The following KCNMA1 variants were observed in gnomAD, a reference collection of about 807,000 sequenced individuals.
KCNMA1 encodes potassium calcium-activated channel subfamily M alpha 1, also known as Calcium-activated potassium channel subunit alpha-1.
KCNMA1 carries 29 observed loss-of-function variants against 140.0 expected under a neutral mutation model. The ratio of observed to expected loss-of-function variants is 0.21; its 90% confidence interval spans 0.15 to 0.28. The LOEUF (loss-of-function observed/expected upper bound fraction) is 0.28. KCNMA1 is among the 10% of genes least tolerant of loss of function. The pLI, the probability that KCNMA1 is intolerant of heterozygous loss-of-function variation, is 1.00. For missense variants in KCNMA1, 880 were observed against 1,602.2 expected (o/e 0.55, Z 7.70); for synonymous variants, 612 against 611.9 (o/e 1.00, Z 0.00).
chr10:77,446,408 T>C (rs2097530615), intron 1 of KCNMA1, among the ~76,000 whole-genome samples: 1 of 152,152 alleles, frequency 6.6e-6, no homozygotes, highest in African/African-American at 2.4e-5. Context: ...TAGAGTGGCC[T>C]CTCCAAGCTT....
At chr10:77,257,921 C>T (rs2061149715) in intron 2 of KCNMA1, among the ~76,000 whole-genome samples, 1 of 152,148 alleles carries the variant, frequency 6.6e-6, no homozygotes, top group South Asian at 2.1e-4. Flanking sequence ...ATAAATTACA[C>T]AGTATTGGGT....
intron 1 of KCNMA1, among the ~76,000 whole-genome samples, chr10:77,585,039 TC>T (rs2076888902): frequency 6.6e-6 from 1 of 152,184 alleles, no homozygotes; most frequent in African/African-American, 2.4e-5. Flanking sequence ...CTCCAAGCTG[TC>T]CCTCAAAACC....
chr10:77,102,764 A>G (rs1426306401), intron 9 of KCNMA1, among the ~76,000 whole-genome samples: 1 of 152,172 alleles, frequency 6.6e-6, no homozygotes, highest in East Asian at 1.9e-4. Context: ...TATCCAGTGT[A>G]ACTAATCCCT....
chr10:77,342,225 T>C (rs1170484704), intron 2 of KCNMA1, among the ~76,000 whole-genome samples: 1 of 152,126 alleles, frequency 6.6e-6, no homozygotes, highest in Non-Finnish European at 1.5e-5. Context: ...ACAGCAATAA[T>C]AACAGCAACA....
In KCNMA1 at chr10:77,530,191, G is replaced by A. The variant is rs1475875844; in HGVS notation, c.378+107074C>T. On this transcript the variant is annotated intron_variant, in intron 1 of 27. Transcript: ENST00000286628. The stretch of plus-strand genomic sequence containing the variant: ...CCTTGTGGTGCTGGACTAACCCACC[G>A]AATGCAGCTGGGTCCTGTTCCAAAA... 4.6e-5 allele frequency among the ~76,000 whole-genome samples: 7 copies of A among 152,268 alleles called. No homozygotes were observed. The East Asian group carries it at 9.6e-4, about 21-fold the overall frequency.
intron 2 of KCNMA1, among the ~76,000 whole-genome samples, chr10:77,364,226 G>A (rs764885995): frequency 3.9e-5 from 6 of 152,038 alleles, no homozygotes; most frequent in Non-Finnish European, 7.4e-5. Flanking sequence ...CAAGGTGGGC[G>A]GACTACCTGA....
At chr10:77,548,960 A>G (rs931109497) in intron 1 of KCNMA1, among the ~76,000 whole-genome samples, 2 of 152,218 alleles carry the variant, frequency 1.3e-5, no homozygotes, top group Admixed American at 6.5e-5. Flanking sequence ...ATAGATGAAT[A>G]CTTTGAAAAA....
At chr10:77,142,167 A>T (rs1476457265) in intron 5 of KCNMA1, among the ~76,000 whole-genome samples, 1 of 152,120 alleles carries the variant, frequency 6.6e-6, no homozygotes, top group Non-Finnish European at 1.5e-5. Context: ...GGAGATCGAG[A>T]CCATTCTGGC....
At chr10:77,285,052 G>T (rs1034854758) in intron 2 of KCNMA1, among the ~76,000 whole-genome samples, 2 of 152,148 alleles carry the variant, frequency 1.3e-5, no homozygotes, top group East Asian at 3.9e-4. Flanking sequence ...AGCATTAACA[G>T]TTTGTAAAAT....
intron 25 of KCNMA1, among the ~76,000 whole-genome samples, chr10:76,901,072 T>A (rs2045121917): frequency 6.6e-6 from 1 of 151,916 alleles, no homozygotes; most frequent in Admixed American, 6.6e-5. Flanking sequence ...CAGACTGGAG[T>A]CTCATAAAGT....
chr10:77,426,677 T>G (rs1050115935), intron 1 of KCNMA1, among the ~76,000 whole-genome samples: 7 of 152,218 alleles, frequency 4.6e-5, no homozygotes, highest in African/African-American at 7.2e-5. Context: ...CCCTATAACA[T>G]CTCTGAAGCC....
chr10:77,636,181 G>A, intron 1 of KCNMA1: 1 of 1,420,590 alleles, frequency 7.0e-7, no homozygotes, highest in Non-Finnish European at 9.2e-7. Flanking sequence ...TCAGAAAGAA[G>A]GCAGCTGGCT....
chr10:77,299,586 TCCA>T lies in KCNMA1; in HGVS notation c.541-48333_541-48331del, dbSNP rs200509287. Among the ~76,000 whole-genome samples, 100 of 152,294 alleles carry T rather than the reference TCCA, an allele frequency of 6.6e-4. No homozygotes were observed. In the East Asian group the frequency reaches 0.016, roughly 25 times the overall value. On this transcript the variant is annotated intron_variant, in intron 2 of 27. Transcript: ENST00000286628. ...ACAAGTTTAAGTTGTTTTTGTACTT[TCCA>T]TTACCCAGGTTGTTCTGGAACGCAG...
rs148022380 is a variant in KCNMA1 at position 77,181,915 on chromosome 10, C to CAT, written c.808+1504_808+1505dup. Among the ~76,000 whole-genome samples, 795 of 150,304 alleles carry CAT rather than the reference C, an allele frequency of 5.3e-3. 4 individuals are homozygous for CAT. The highest frequency in any genetic ancestry group is 0.01 in the Middle Eastern group (3 of 292). On this transcript the variant is annotated intron_variant, in intron 5 of 27. Coordinates refer to ENST00000286628, the MANE Select transcript of KCNMA1 (RefSeq NM_001161352.2). ...AATCTTTTTAGGATATGGACACATA[C>CAT]ATATATATATATATGCATGCACACG...
At chr10:77,633,143 C>G (rs192895311) in intron 1 of KCNMA1, among the ~76,000 whole-genome samples, 2 of 152,252 alleles carry the variant, frequency 1.3e-5, no homozygotes, top group East Asian at 1.9e-4. Context: ...GGTGAAACCC[C>G]GTCTCTACTT....
intron 1 of KCNMA1, among the ~76,000 whole-genome samples, chr10:77,614,041 T>C (rs900369371): frequency 6.6e-6 from 1 of 152,134 alleles, no homozygotes; most frequent in African/African-American, 2.4e-5. Flanking sequence ...GGTCACACCC[T>C]CCCTACCACT....
At chr10:77,018,334 T>C (rs541695991) in intron 17 of KCNMA1, among the ~76,000 whole-genome samples, 1 of 152,362 alleles carries the variant, frequency 6.6e-6, no homozygotes, top group Non-Finnish European at 1.5e-5. Flanking sequence ...CATTTTCTGC[T>C]AGTAAATTTC....
intron 25 of KCNMA1, among the ~76,000 whole-genome samples, chr10:76,907,405 C>T (rs1455622637): frequency 6.6e-6 from 1 of 152,210 alleles, no homozygotes. Flanking sequence ...CCATATGCCC[C>T]TTTGGCTGTG....
chr10:77,487,585 A>G (rs978468639), intron 1 of KCNMA1, among the ~76,000 whole-genome samples: 1 of 152,162 alleles, frequency 6.6e-6, no homozygotes, highest in African/African-American at 2.4e-5. Flanking sequence ...AAGTAATTAG[A>G]TTAAATGGTC....
Sources: allele counts gnomAD v4.1 joint callset (sites outside exome capture counted in the v4.1 genomes callset), GRCh38; gene constraint gnomAD v4.1.1; transcripts MANE v1.5; gene names NCBI Gene and HGNC (gene_info 2026-07-23, HGNC 2026-07-21).